The following C19orf38 variants were observed in gnomAD, a reference collection of about 807,000 sequenced individuals.
C19orf38 encodes protein HIDE1.
Under a neutral mutation model 26.6 loss-of-function variants are expected in C19orf38, and 14 were observed. The observed-to-expected ratio is 0.53, with a 90% confidence interval of 0.35 to 0.82. The LOEUF (loss-of-function observed/expected upper bound fraction) is 0.82, where lower values mean the gene tolerates loss of function less well. Among genes scored for constraint, C19orf38 ranks in the 40% least tolerant of loss-of-function variants. C19orf38 has a pLI of 0.01. For synonymous variants in C19orf38, 132 were observed against 128.5 expected (o/e 1.03, Z -0.18); for missense variants, 261 against 299.5 (o/e 0.87, Z 0.95).
At chr19:10,860,087 C>A in intron 5 of C19orf38, 129 bp downstream of exon 5, 1 of 912,466 alleles carries the variant, frequency 1.1e-6, no homozygotes, top group Non-Finnish European at 1.7e-6. Context: ...AACACACCCT[C>A]GCCACCTCTT....
intron 2 of C19orf38, among the ~76,000 whole-genome samples, chr19:10,853,927 G>A (rs2073599238): frequency 1.3e-5 from 2 of 149,252 alleles, no homozygotes; most frequent in South Asian, 4.3e-4. Flanking sequence ...TTAATTAGGA[G>A]GGACTGCTGG....
chr19:10,840,919 G>A (rs2073473460), intron 1 of C19orf38, among the ~76,000 whole-genome samples: 1 of 152,210 alleles, frequency 6.6e-6, no homozygotes, highest in Non-Finnish European at 1.5e-5. Context: ...ACAGGCGTGG[G>A]CCACTGTGAC....
At chr19:10,861,147 A>T (rs182156334) in intron 5 of C19orf38, among the ~76,000 whole-genome samples, 173 of 152,332 alleles carry the variant, frequency 1.1e-3, no homozygotes, top group Non-Finnish European at 2.0e-3. Context: ...ATCTCAAAAA[A>T]GGAAGAAAGA....
upstream of C19orf38, chr19:10,848,372 C>T: frequency 1.1e-6 from 1 of 921,376 alleles, no homozygotes; most frequent in Admixed American, 2.1e-5. Flanking sequence ...TGTGCAACTT[C>T]CTGCCAGTGA....
chr19:10,867,939 C>T (rs146709143), intron 6 of C19orf38, among the ~76,000 whole-genome samples: 1 of 152,010 alleles, frequency 6.6e-6, no homozygotes, highest in Non-Finnish European at 1.5e-5. Context: ...AGGTGTGAGC[C>T]ACCGTGCCCA....
intron 5 of C19orf38, among the ~76,000 whole-genome samples, chr19:10,860,422 T>C (rs1661811265): frequency 6.8e-6 from 1 of 147,744 alleles, no homozygotes; most frequent in Admixed American, 6.9e-5. Context: ...TAATCCCAGC[T>C]ACTTGGGAGG....
upstream of C19orf38, among the ~76,000 whole-genome samples, chr19:10,846,193 G>T (rs2073515449): frequency 6.6e-6 from 1 of 150,624 alleles, no homozygotes; most frequent in Admixed American, 6.7e-5. Flanking sequence ...AAAAAAAAAT[G>T]TTTTTTTGTT....
intron 1 of C19orf38, among the ~76,000 whole-genome samples, chr19:10,836,999 G>T (rs898612449): frequency 1.3e-5 from 2 of 152,188 alleles, no homozygotes; most frequent in Non-Finnish European, 2.9e-5. Flanking sequence ...TAAGGACAGT[G>T]TGGGACTGGG....
chr19:10,841,365 CCTAG>C (rs2073476612), intron 1 of C19orf38, among the ~76,000 whole-genome samples: 1 of 152,064 alleles, frequency 6.6e-6, no homozygotes, highest in South Asian at 2.1e-4. Context: ...CACCTATAGT[CCTAG>C]CTACTCAGGA....
At chr19:10,841,051 G>C (rs1233159412) in intron 1 of C19orf38, among the ~76,000 whole-genome samples, 1 of 149,240 alleles carries the variant, frequency 6.7e-6, no homozygotes, top group African/African-American at 2.5e-5. Flanking sequence ...TCGGTGGTGT[G>C]TATATCTTCT....
chr19:10,839,296 CA>C (rs2073462020), intron 1 of C19orf38, among the ~76,000 whole-genome samples: 2 of 152,306 alleles, frequency 1.3e-5, no homozygotes, highest in African/African-American at 4.8e-5. Context: ...CCCAGGTAGC[CA>C]TTTTCTGTTG....
chr19:10,850,301 C>A lies in C19orf38; in HGVS notation c.74C>A (p.Pro25Gln). The change falls in exon 2 of 7, where the codon CCG becomes CAG. Residue 25 changes from proline to glutamine, a missense_variant. Physicochemically the swap from Pro to Gln is moderately conservative, Grantham distance 76. Transcript: ENST00000397820. ...IPAPSIRLVP[P>Q]YPSSQEDPIH... is the part of the protein sequence containing the mutation. ...GCACCATCCATCCGGCTGGTGCCCC[C>A]GTACCCAAGCAGCCAAGAGGACCCC... The A allele has an allele frequency of 6.4e-7, 1 of 1,551,000 alleles. No homozygotes were observed. Among genetic ancestry groups the A allele is most frequent in the Non-Finnish European group, 8.7e-7 (1 of 1,146,978 alleles).
chr19:10,862,650 T>C (rs905125410), intron 5 of C19orf38, among the ~76,000 whole-genome samples: 2 of 151,942 alleles, frequency 1.3e-5, no homozygotes, highest in African/African-American at 4.8e-5. Context: ...GCCAACATGG[T>C]GAATCCCTAT....
intron 1 of C19orf38, among the ~76,000 whole-genome samples, chr19:10,840,031 C>T (rs1568330990): frequency 1.3e-5 from 2 of 152,146 alleles, no homozygotes; most frequent in Admixed American, 6.5e-5. Context: ...CCCACAATTT[C>T]TTTAGCCATT....
intron 6 of C19orf38, among the ~76,000 whole-genome samples, chr19:10,867,403 G>A (rs532987981): frequency 1.4e-5 from 2 of 146,678 alleles, no homozygotes; most frequent in Non-Finnish European, 3.0e-5. Flanking sequence ...TTGGGAATTC[G>A]AGACTAGCCT....
chr19:10,842,016 A>G (rs1599654164), intron 1 of C19orf38: 2 of 1,610,912 alleles, frequency 1.2e-6, no homozygotes, highest in Middle Eastern at 2.1e-4. Flanking sequence ...TTTTGGAGCC[A>G]TGAATATTGT....
chr19:10,845,409 A>G (rs1425915940), upstream of C19orf38, among the ~76,000 whole-genome samples: 2 of 152,250 alleles, frequency 1.3e-5, no homozygotes, highest in South Asian at 2.1e-4. Context: ...CTGCCCCCCA[A>G]AAAGCCCAAG....
chr19:10,866,814 T>C (rs2073756442), intron 6 of C19orf38, among the ~76,000 whole-genome samples: 2 of 152,012 alleles, frequency 1.3e-5, no homozygotes, highest in Admixed American at 6.6e-5. Flanking sequence ...CTAATGTTTG[T>C]ATTTTTAGTA....
At chr19:10,857,357 TATATA>T (rs2073637920) in intron 3 of C19orf38, among the ~76,000 whole-genome samples, 1 of 85,502 alleles carries the variant, frequency 1.2e-5, no homozygotes, top group African/African-American at 8.5e-5. Flanking sequence ...TATATATATA[TATATA>T]TATATTTTTT....
Sources: allele counts gnomAD v4.1 joint callset (sites outside exome capture counted in the v4.1 genomes callset), GRCh38; gene constraint gnomAD v4.1.1; transcripts MANE v1.5; gene names NCBI Gene and HGNC (gene_info 2026-07-23, HGNC 2026-07-21).